Variants in ORC5 observed in about 807,000 individuals in gnomAD.
The protein encoded by ORC5 is origin recognition complex subunit 5, also known as protein phosphatase 1, regulatory subunit 117.
Under a neutral mutation model 58.8 loss-of-function variants are expected in ORC5, and 39 were observed. The observed-to-expected ratio is 0.66, with a 90% CI of 0.51 to 0.87. The LOEUF (loss-of-function observed/expected upper bound fraction) is 0.87. Among genes scored for constraint, ORC5 ranks in the 40% least tolerant of loss-of-function variants. ORC5 has a pLI of 0.00. For missense variants in ORC5, 493 were observed against 506.3 expected (o/e 0.97, Z 0.25); for synonymous variants, 218 against 177.6 (o/e 1.23, Z -1.81).
Position 104,136,786 on chromosome 7 carries a change from A to G in ORC5, c.1257T>C (p.Ile419=), listed in dbSNP as rs1798595217. 2 of 1,602,118 alleles carry G rather than the reference A, an allele frequency of 1.2e-6. 1 individual carries two copies. Among genetic ancestry groups the G allele is most frequent in the South Asian group, 2.2e-5 (2 of 90,694 alleles). Residue 419 remains isoleucine (I), a synonymous_variant, in exon 13 of 14, where the codon ATT becomes ATC. Coordinates refer to ENST00000297431, the MANE Select transcript of ORC5 (RefSeq NM_002553.4). The surrounding 1 kb of genome is among the most constrained non-coding windows in gnomAD (Gnocchi z 4.2). ...CATAATTCAAGACATTTTACCTTGC[A>G]ATAGCTCTGATGAAGTCTAGAGACA... ...CTVSLDFIRA[I]ARTVNFDIIK...
At chr7:104,169,485 A>C (rs1799171536) in intron 8 of ORC5, among the ~76,000 whole-genome samples, 1 of 151,980 alleles carries the variant, frequency 6.6e-6, no homozygotes, top group Non-Finnish European at 1.5e-5. Context: ...TTTTAGCTGC[A>C]TGACTTCGAA....
intron 8 of ORC5, among the ~76,000 whole-genome samples, chr7:104,174,771 A>G (rs1799288882): frequency 6.6e-6 from 1 of 152,168 alleles, no homozygotes; most frequent in Non-Finnish European, 1.5e-5. Flanking sequence ...GGCAAAATAG[A>G]GGCATTTAAC....
intron 5 of ORC5, among the ~76,000 whole-genome samples, chr7:104,194,594 T>A (rs1311413432): frequency 6.6e-6 from 1 of 151,932 alleles, no homozygotes; most frequent in East Asian, 1.9e-4. Flanking sequence ...ATTGGTACTG[T>A]ATGAGTTACA....
At chr7:104,158,312 T>C (rs1177622795) in intron 12 of ORC5, among the ~76,000 whole-genome samples, 1 of 152,134 alleles carries the variant, frequency 6.6e-6, no homozygotes, top group African/African-American at 2.4e-5. Flanking sequence ...TTACACCTTA[T>C]ACAAAAATTA....
chr7:104,179,950 T>A (rs1350638435), intron 8 of ORC5, among the ~76,000 whole-genome samples: 1 of 152,230 alleles, frequency 6.6e-6, no homozygotes, highest in Non-Finnish European at 1.5e-5. Context: ...ATAACTCTGC[T>A]GTTAAAGTCT....
intron 13 of ORC5, among the ~76,000 whole-genome samples, chr7:104,134,875 G>A (rs1798565157): frequency 6.6e-6 from 1 of 152,170 alleles, no homozygotes; most frequent in Non-Finnish European, 1.5e-5. Context: ...AAGAGGGCAG[G>A]TGTGGGGAGG....
At chr7:104,143,055 C>T (rs1172771388) in intron 12 of ORC5, among the ~76,000 whole-genome samples, 1 of 152,120 alleles carries the variant, frequency 6.6e-6, no homozygotes, top group Non-Finnish European at 1.5e-5. Context: ...TCAACCCTTT[C>T]TATTTTTCTG....
At chr7:104,175,875 T>C (rs1799312275) in intron 8 of ORC5, among the ~76,000 whole-genome samples, 1 of 152,128 alleles carries the variant, frequency 6.6e-6, no homozygotes, top group Non-Finnish European at 1.5e-5. Flanking sequence ...ACTTGGAGAT[T>C]TTTTTCTTAT....
At chr7:104,140,638 G>T (rs915079403) in intron 12 of ORC5, among the ~76,000 whole-genome samples, 1 of 152,186 alleles carries the variant, frequency 6.6e-6, no homozygotes, top group Non-Finnish European at 1.5e-5. Flanking sequence ...GTGTCACTGT[G>T]ACAGAGTGAA....
At chr7:104,148,440 A>G (rs987998393) in intron 12 of ORC5, among the ~76,000 whole-genome samples, 2 of 152,178 alleles carry the variant, frequency 1.3e-5, no homozygotes, top group African/African-American at 4.8e-5. Context: ...AAAGTAAGAA[A>G]CCCAGGAGAG....
intron 12 of ORC5, among the ~76,000 whole-genome samples, chr7:104,144,672 G>A (rs1375797788): frequency 1.3e-5 from 2 of 152,184 alleles, no homozygotes; most frequent in African/African-American, 2.4e-5. Flanking sequence ...CAGGAGAATC[G>A]CTTTAACTTG....
intron 3 of ORC5, among the ~76,000 whole-genome samples, chr7:104,199,757 T>C (rs1258769266): frequency 2.6e-5 from 4 of 152,220 alleles, no homozygotes; most frequent in Non-Finnish European, 5.9e-5. Flanking sequence ...TGGGGGACTA[T>C]TGGGAAGCCA....
intron 3 of ORC5, 34 bp from the exon 4 acceptor site, chr7:104,197,833 T>C (rs199867973): frequency 1.5e-6 from 2 of 1,353,318 alleles, no homozygotes; most frequent in Non-Finnish European, 2.0e-6. Context: ...CAAAAAGAAA[T>C]GCATTTACAA....
chr7:104,145,085 G>A (rs1798735100), intron 12 of ORC5, among the ~76,000 whole-genome samples: 1 of 152,154 alleles, frequency 6.6e-6, no homozygotes, highest in Non-Finnish European at 1.5e-5. Context: ...GGGGTCTTTG[G>A]GGGACAGTAA....
intron 5 of ORC5, among the ~76,000 whole-genome samples, chr7:104,192,405 G>A (rs773708246): frequency 2.0e-5 from 3 of 152,120 alleles, no homozygotes; most frequent in Non-Finnish European, 4.4e-5. Context: ...CCACTAGTCA[G>A]AAGGCAGAGA....
At chr7:104,188,737 C>G (rs922016800) in intron 5 of ORC5, among the ~76,000 whole-genome samples, 1 of 151,986 alleles carries the variant, frequency 6.6e-6, no homozygotes, top group Non-Finnish European at 1.5e-5. Context: ...CTCTGTGTCC[C>G]CACCCATATC....
intron 2 of ORC5, among the ~76,000 whole-genome samples, chr7:104,201,316 T>C (rs6954109): frequency 6.6e-6 from 1 of 152,090 alleles, no homozygotes; most frequent in South Asian, 2.1e-4. Context: ...CACCTCTTGT[T>C]TGGTTCCAAT....
At chr7:104,166,425 T>G (rs1799108574) in intron 10 of ORC5, among the ~76,000 whole-genome samples, 1 of 152,238 alleles carries the variant, frequency 6.6e-6, no homozygotes, top group African/African-American at 2.4e-5. Flanking sequence ...GAGAGGCTCC[T>G]TCAGTGTGAT....
chr7:104,165,241 G>T lies in ORC5; in HGVS notation c.1032C>A (p.His344Gln). 1 of 1,487,226 alleles carries T rather than the reference G, an allele frequency of 6.7e-7. No individual in the cohort carries two copies. The highest frequency in any genetic ancestry group is 2.3e-5 in the East Asian group (1 of 43,672). 92.1% of individuals were successfully genotyped at this position (1,487,226 alleles called of 1,614,324 possible). A position where few individuals can be genotyped will look rare whatever the true frequency, so the allele number is the denominator to read the frequency against. The change falls in exon 11 of 14, where the codon CAC becomes CAA. Residue 344 changes from histidine (H) to glutamine (Q), a missense_variant. This residue lies in a region of ORC5 where 412 missense variants were observed against 403.7 expected (regional missense o/e 1.02). Coordinates refer to ENST00000297431, the MANE Select transcript of ORC5 (RefSeq NM_002553.4). ...KIKKTNFLKK[H>Q]EKTSNHLLGP... ...GAAATTAAAATGTAAATACCTTTTC[G>T]TGTTTTTTTAGAAAGTTGGTTTTCT...
Sources: gnomAD v4.1 joint callset for allele counts (sites outside exome capture counted in the v4.1 genomes callset) on GRCh38, gnomAD v4.1.1 for gene constraint, gnomAD v4.1.1 regional missense constraint, Gnocchi (gnomAD v3.1) non-coding constraint, MANE v1.5 for transcripts, NCBI Gene and HGNC (gene_info 2026-07-23, HGNC 2026-07-21) for gene names.